PLEKHD1: variants seen among roughly 807,000 people sequenced by gnomAD.
PLEKHD1 encodes pleckstrin homology and coiled-coil domain containing D1.
A neutral mutation model predicts 69.2 loss-of-function variants in PLEKHD1; 51 were observed. That is an observed-to-expected ratio of 0.74 (90% CI 0.59 to 0.93). The LOEUF (loss-of-function observed/expected upper bound fraction) is 0.93, where lower values mean the gene tolerates loss of function less well. Ranked by LOEUF, PLEKHD1 falls within the 40% of genes least tolerant of loss-of-function variation. The probability of loss-of-function intolerance (pLI) is 0.00; values close to 1 mark genes in which losing one functional copy is unlikely to be tolerated. For missense variants in PLEKHD1, 584 were observed against 641.0 expected (o/e 0.91, Z 0.96); for synonymous variants, 236 against 244.7 (o/e 0.96, Z 0.33).
Position 69,522,155 on chromosome 14 carries a change from C to T in PLEKHD1, c.556-128C>T, listed in dbSNP as rs951304423. 2.8e-5 allele frequency: 23 copies of T among 812,880 alleles called. 1 individual carries two copies. The highest frequency in any genetic ancestry group is 3.5e-5 in the Non-Finnish European group (18 of 519,222). The allele number at this position is 812,880 out of a possible 1,614,324, so 50.4% of individuals were successfully genotyped here. A position where few individuals can be genotyped will look rare whatever the true frequency, so the allele number is the denominator to read the frequency against. On this transcript the variant is annotated intron_variant, in intron 6 of 12. Coordinates refer to ENST00000322564, the MANE Select transcript of PLEKHD1 (RefSeq NM_001161498.2). ...CCAGCGGGCCTTAGAACTTAATTCC[C>T]GGTCTGGTGCAGCACATGACCCAGG... is the stretch of plus-strand genomic sequence containing the variant.
rs1883764580 is a variant in PLEKHD1, at chr14:69,530,323, G to T, written c.*1904G>T. ...TACAGTCTCTGCAGAATCTAGCTGG[G>T]GAGAGGGCTGAGTCAGTTTGGAATA... On this transcript the variant is annotated 3_prime_UTR_variant, in exon 13 of 13. Coordinates refer to ENST00000322564, the MANE Select transcript of PLEKHD1 (RefSeq NM_001161498.2). 6.6e-6 allele frequency: 1 copy of T among 152,370 alleles called. No homozygotes were observed. Among genetic ancestry groups the T allele is most frequent in the Non-Finnish European group, 1.5e-5 (1 of 68,054 alleles). The allele number at this position is 152,370 out of a possible 1,614,324, so 9.4% of individuals were successfully genotyped here. A position where few individuals can be genotyped will look rare whatever the true frequency, so the allele number is the denominator to read the frequency against.
Position 69,500,663 on chromosome 14 carries a change from C to T in PLEKHD1, c.330C>T (p.Phe110=), listed in dbSNP as rs776750346. Residue 110 remains phenylalanine (F), a synonymous_variant, in exon 3 of 13, where the codon TTC becomes TTT. Coordinates refer to ENST00000322564, the MANE Select transcript of PLEKHD1 (RefSeq NM_001161498.2). ...PYAMKISHQD[F]HGNILLAAES... The stretch of plus-strand genomic sequence containing the variant: ...CCATGAAGATCTCCCACCAGGACTT[C>T]CATGTGAGTAAAGCTCTTCCCTCAG... 7.1e-6 allele frequency: 11 copies of T among 1,551,222 alleles called. No homozygotes were observed. Among genetic ancestry groups the T allele is most frequent in the South Asian group, 1.2e-5 (1 of 84,004 alleles).
chr14:69,490,021 C>T (rs899797399), intron 1 of PLEKHD1, among the ~76,000 whole-genome samples: 1 of 152,158 alleles, frequency 6.6e-6, no homozygotes, highest in African/African-American at 2.4e-5. Context: ...CATGTACCAC[C>T]ATGCCCGGCT....
the PLEKHD1 span, among the ~76,000 whole-genome samples, chr14:69,470,657 T>G: frequency 6.6e-6 from 1 of 152,216 alleles, no homozygotes; most frequent in Non-Finnish European, 1.5e-5. Flanking sequence ...ATTAACTTCT[T>G]GCCCATGATC....
At chr14:69,482,437 C>T (rs774325239), upstream of PLEKHD1, among the ~76,000 whole-genome samples, 17 of 152,204 alleles carry the variant, frequency 1.1e-4, no homozygotes, top group Non-Finnish European at 2.4e-4. Flanking sequence ...GGAGCCAGGC[C>T]TGAGGCAAAG....
intron 1 of PLEKHD1, among the ~76,000 whole-genome samples, chr14:69,493,206 C>T (rs1882815545): frequency 6.6e-6 from 1 of 152,362 alleles, no homozygotes; most frequent in South Asian, 2.1e-4. Flanking sequence ...CAGTCATGCT[C>T]TCTGACCTGA....
chr14:69,477,220 T>C, the PLEKHD1 span, among the ~76,000 whole-genome samples: 1 of 152,026 alleles, frequency 6.6e-6, no homozygotes, highest in Non-Finnish European at 1.5e-5. Context: ...ACCACATTGG[T>C]CAGGCTGGCC....
At chr14:69,517,525 G>A (rs1392754958) in intron 6 of PLEKHD1, among the ~76,000 whole-genome samples, 1 of 152,022 alleles carries the variant, frequency 6.6e-6, no homozygotes. Context: ...ACAGAGAGAG[G>A]GCAGGCGCAG....
chr14:69,526,436 G>A (rs1046175488), intron 9 of PLEKHD1, among the ~76,000 whole-genome samples: 1 of 152,148 alleles, frequency 6.6e-6, no homozygotes, highest in Non-Finnish European at 1.5e-5. Context: ...GCCTCAGGGG[G>A]GTTGTATGAC....
At chr14:69,484,690 G>A, upstream of PLEKHD1, 1 of 362,694 alleles carries the variant, frequency 2.8e-6, no homozygotes, top group South Asian at 6.0e-5. Flanking sequence ...GGGAGGGGAG[G>A]AGATGCTGCC....
intron 6 of PLEKHD1, among the ~76,000 whole-genome samples, chr14:69,517,131 G>A (rs1029829106): frequency 3.3e-5 from 5 of 152,100 alleles, no homozygotes; most frequent in Non-Finnish European, 7.4e-5. Flanking sequence ...TCTAGAGTGG[G>A]GGCTGGGGGT....
intron 1 of PLEKHD1, among the ~76,000 whole-genome samples, chr14:69,492,104 C>T (rs1469058850): frequency 6.6e-6 from 1 of 152,190 alleles, no homozygotes; most frequent in East Asian, 1.9e-4. Flanking sequence ...CCCGCTCTGT[C>T]CCTGCTCTCT....
At chr14:69,484,483 G>A (rs1474390543), upstream of PLEKHD1, among the ~76,000 whole-genome samples, 1 of 152,128 alleles carries the variant, frequency 6.6e-6, no homozygotes, top group East Asian at 1.9e-4. Flanking sequence ...CGCGGGGCGG[G>A]GACGGGGACG....
chr14:69,489,757 A>G (rs1882734453), intron 1 of PLEKHD1, among the ~76,000 whole-genome samples: 1 of 152,130 alleles, frequency 6.6e-6, no homozygotes, highest in Non-Finnish European at 1.5e-5. Context: ...AAATGACCCC[A>G]GAGGTGCCTT....
chr14:69,509,475 TA>T (rs1883222284), intron 6 of PLEKHD1, among the ~76,000 whole-genome samples: 1 of 152,226 alleles, frequency 6.6e-6, no homozygotes, highest in South Asian at 2.1e-4. Context: ...AGACATCACC[TA>T]GGTTGTCTCC....
intron 2 of PLEKHD1, 39 bp downstream of exon 2, chr14:69,500,247 C>G (rs1882992792): frequency 7.0e-7 from 1 of 1,438,592 alleles, no homozygotes; most frequent in African/African-American, 1.4e-5. Flanking sequence ...AGGGGAGGGC[C>G]CAGTGCGGGC....
intron 6 of PLEKHD1, among the ~76,000 whole-genome samples, chr14:69,510,240 TG>T (rs927892359): frequency 6.6e-6 from 1 of 152,220 alleles, no homozygotes; most frequent in African/African-American, 2.4e-5. Context: ...AACAACATGC[TG>T]GGATTTTAAT....
Position 69,484,894 on chromosome 14 carries a change from G to T in PLEKHD1, c.-72G>T. The T allele has an allele frequency of 2.0e-6, 3 of 1,507,344 alleles. No homozygotes were observed. Among genetic ancestry groups the T allele is most frequent in the East Asian group, 2.5e-5 (1 of 40,366 alleles). 93.4% of individuals were successfully genotyped at this position (1,507,344 alleles called of 1,614,324 possible). A position where few individuals can be genotyped will look rare whatever the true frequency, so the allele number is the denominator to read the frequency against. On this transcript the variant is annotated 5_prime_UTR_variant, in exon 1 of 13. Transcript: ENST00000322564. ...GACGCTCTCCGACGGCTCCGCCCTC[G>T]CCTCTCGCCCCGAGTCCCTGCTGAC...
At chr14:69,493,050 A>G (rs1000935323) in intron 1 of PLEKHD1, among the ~76,000 whole-genome samples, 1 of 152,226 alleles carries the variant, frequency 6.6e-6, no homozygotes, top group African/African-American at 2.4e-5. Context: ...TACAGGCGTG[A>G]GCCACCACAC....
Sources: gnomAD v4.1 joint callset for allele counts (sites outside exome capture counted in the v4.1 genomes callset) on GRCh38, gnomAD v4.1.1 for gene constraint, MANE v1.5 for transcripts, NCBI Gene and HGNC (gene_info 2026-07-23, HGNC 2026-07-21) for gene names.